DGKG: variants seen among roughly 807,000 people sequenced by gnomAD.
The protein encoded by DGKG is DAG kinase gamma.
In DGKG, 78 loss-of-function variants were observed where a neutral mutation model predicts 105.3. That is an observed-to-expected ratio of 0.74 (90% confidence interval 0.62 to 0.89). DGKG has a LOEUF of 0.89. Among genes scored for constraint, DGKG ranks in the 40% least tolerant of loss-of-function variants. DGKG has a pLI of 0.00. For synonymous variants in DGKG, 346 were observed against 367.1 expected (o/e 0.94, Z 0.66); for missense variants, 958 against 1,020.1 (o/e 0.94, Z 0.83).
At chr3:186,164,153 A>G (rs755976488) in intron 23 of DGKG, among the ~76,000 whole-genome samples, 34 of 152,222 alleles carry the variant, frequency 2.2e-4, no homozygotes, top group Non-Finnish European at 4.6e-4. Flanking sequence ...TGGGAAACCC[A>G]GTATCCTGTG....
chr3:186,253,214 A>G (rs759585970), intron 17 of DGKG, 32 bp from the exon 18 acceptor site: 1 of 1,541,612 alleles, frequency 6.5e-7, no homozygotes. Flanking sequence ...AGAGAACCAT[A>G]TGCCATGGGA....
chr3:186,277,051 A>G, intron 9 of DGKG, among the ~76,000 whole-genome samples: 1 of 152,212 alleles, frequency 6.6e-6, no homozygotes, highest in Non-Finnish European at 1.5e-5. Flanking sequence ...TTCTTCCAGG[A>G]CATGAGTTTT....
chr3:186,263,004 G>A (rs983345125), intron 14 of DGKG, among the ~76,000 whole-genome samples: 9 of 152,000 alleles, frequency 5.9e-5, no homozygotes, highest in Non-Finnish European at 1.3e-4. Context: ...GGAGGTGCCT[G>A]TAATCCCAGC....
intron 21 of DGKG, among the ~76,000 whole-genome samples, chr3:186,204,104 T>C (rs776281214): frequency 6.6e-6 from 1 of 152,224 alleles, no homozygotes; most frequent in Non-Finnish European, 1.5e-5. Context: ...CCTTGATGTC[T>C]CTTTTTTAAA....
At chr3:186,353,198 G>A (rs780150784) in intron 1 of DGKG, among the ~76,000 whole-genome samples, 7 of 152,040 alleles carry the variant, frequency 4.6e-5, no homozygotes, top group Non-Finnish European at 1.0e-4. Flanking sequence ...TTCCCAGGCC[G>A]AGGACGTGAC....
At chr3:186,248,410 T>A (rs1474537447) in intron 19 of DGKG, among the ~76,000 whole-genome samples, 1 of 152,238 alleles carries the variant, frequency 6.6e-6, no homozygotes, top group Non-Finnish European at 1.5e-5. Flanking sequence ...TGCTTCCCTC[T>A]CCATTTATTT....
At chr3:186,351,540 C>T (rs1726629833) in intron 1 of DGKG, among the ~76,000 whole-genome samples, 1 of 152,134 alleles carries the variant, frequency 6.6e-6, no homozygotes, top group African/African-American at 2.4e-5. Context: ...TAGAGAACTA[C>T]TGGGTTCAGT....
At chr3:186,160,178 T>C in intron 24 of DGKG, 1 of 985,224 alleles carries the variant, frequency 1.0e-6, no homozygotes, top group African/African-American at 1.7e-5. Flanking sequence ...TCATAGTGAG[T>C]TGTAATCTCT....
At chr3:186,339,665 G>T (rs940267506) in intron 1 of DGKG, among the ~76,000 whole-genome samples, 8 of 152,186 alleles carry the variant, frequency 5.3e-5, no homozygotes, top group African/African-American at 1.7e-4. Flanking sequence ...TGTGGGTTGT[G>T]GGGGTGGGTG....
chr3:186,302,495 TATATATATATAC>T (rs1358335469), intron 3 of DGKG, among the ~76,000 whole-genome samples: 2 of 9,624 alleles, frequency 2.1e-4, no homozygotes, highest in East Asian at 1.1e-3. Context: ...TATATATATA[TATATATATATAC>T]ATATGTGTAT....
rs532808296 is a variant in DGKG, at chr3:186,226,884, A to T, written c.1827-14999T>A. Reference sequence around the variant, plus strand: ...CCTGCTGTGTTAGTAATTTGAGGGTATAAGTACATTCTTGAAGTGAGAAGA... The same window carrying T: ...CCTGCTGTGTTAGTAATTTGAGGGTTTAAGTACATTCTTGAAGTGAGAAGA... On this transcript the variant is annotated intron_variant, in intron 20 of 24. Coordinates refer to ENST00000265022, the MANE Select transcript of DGKG (RefSeq NM_001346.3). This position sits in a 1 kb window ranked among gnomAD's most constrained non-coding sequence, Gnocchi z 4.2. Among the ~76,000 whole-genome samples, 1 of 152,224 alleles carries T rather than the reference A, an allele frequency of 6.6e-6. No individual in the cohort carries two copies. Among genetic ancestry groups the T allele is most frequent in the Non-Finnish European group, 1.5e-5 (1 of 68,030 alleles).
intron 23 of DGKG, among the ~76,000 whole-genome samples, chr3:186,163,712 A>C (rs1382154942): frequency 6.6e-6 from 1 of 151,774 alleles, no homozygotes; most frequent in Non-Finnish European, 1.5e-5. Context: ...AGAGCTACTG[A>C]ATGTGAAGAA....
At position 186,321,782 on chromosome 3, in the gene DGKG, C is replaced by G. The variant is rs112131775; in HGVS notation, c.-248-1075G>C. On this transcript the variant is annotated intron_variant, in intron 1 of 24. Coordinates refer to ENST00000265022, the MANE Select transcript of DGKG (RefSeq NM_001346.3). ...AGTGAACTAGAGCTGAGGGAAGATG[C>G]TGGAGAGAGAGAGATTCTAGCTTTA... Among the ~76,000 whole-genome samples, 765 of 152,284 alleles carry G rather than the reference C, an allele frequency of 5.0e-3. 25 individuals carry two copies. The highest frequency in any genetic ancestry group is 0.042 in the Admixed American group (647 of 15,302).
intron 19 of DGKG, among the ~76,000 whole-genome samples, chr3:186,244,833 GC>G (rs1362182261): frequency 1.3e-5 from 2 of 152,140 alleles, no homozygotes; most frequent in East Asian, 3.9e-4. Context: ...AGCCTGCACC[GC>G]TTCCCTGGGC....
rs113448783 is a variant in DGKG at position 186,325,996 on chromosome 3, T to G, written c.-248-5289A>C. On this transcript the variant is annotated intron_variant, in intron 1 of 24. Coordinates refer to ENST00000265022, the MANE Select transcript of DGKG (RefSeq NM_001346.3). Reference sequence around the variant, plus strand: ...ATCAGTCATTTCTCTAAGGAGTTCCTTTGGTGAAGAATGGCATTTGAAGCC... The same window carrying G: ...ATCAGTCATTTCTCTAAGGAGTTCCGTTGGTGAAGAATGGCATTTGAAGCC... Among the ~76,000 whole-genome samples, 104 of 152,312 alleles carry G rather than the reference T, an allele frequency of 6.8e-4. 1 individual carries two copies. The highest frequency in any genetic ancestry group is 2.4e-3 in the African/African-American group (98 of 41,572).
At chr3:186,333,279 G>C (rs73885849) in intron 1 of DGKG, among the ~76,000 whole-genome samples, 1 of 152,172 alleles carries the variant, frequency 6.6e-6, no homozygotes, top group Admixed American at 6.5e-5. Flanking sequence ...GGGAGGGTCA[G>C]CAACCTGCCT....
At chr3:186,323,708 G>C (rs901268747) in intron 1 of DGKG, among the ~76,000 whole-genome samples, 1 of 152,018 alleles carries the variant, frequency 6.6e-6, no homozygotes, top group Non-Finnish European at 1.5e-5. Context: ...AGGCCGAGAC[G>C]GGCGGATCAC....
chr3:186,293,629 T>G (rs13096429), intron 5 of DGKG, among the ~76,000 whole-genome samples: 11,005 of 152,312 alleles, frequency 0.072, 471 homozygotes, highest in Non-Finnish European at 0.11. Flanking sequence ...CCTGCTCTTC[T>G]GTCTTTATGG....
chr3:186,265,547 A>G (rs1386462169), intron 13 of DGKG, among the ~76,000 whole-genome samples: 1 of 152,182 alleles, frequency 6.6e-6, no homozygotes, highest in East Asian at 1.9e-4. Flanking sequence ...CTTTGAGGCA[A>G]GGGACATAGT....
Sources: gnomAD v4.1 joint callset for allele counts (sites outside exome capture counted in the v4.1 genomes callset) on GRCh38, gnomAD v4.1.1 for gene constraint, Gnocchi (gnomAD v3.1) non-coding constraint, MANE v1.5 for transcripts, NCBI Gene and HGNC (gene_info 2026-07-23, HGNC 2026-07-21) for gene names.